Variants in RAPGEF6 observed in about 807,000 individuals in gnomAD.
RAPGEF6 encodes the protein PDZ domain containing guanine nucleotide exchange factor (GEF) 2.
In RAPGEF6, 56 loss-of-function variants were observed where a neutral mutation model predicts 171.4. The observed-to-expected ratio is 0.33, with a 90% CI of 0.26 to 0.41. RAPGEF6 has a LOEUF of 0.41. Ranked by LOEUF, RAPGEF6 falls within the 10% of genes least tolerant of loss-of-function variation. The probability of loss-of-function intolerance (pLI) is 1.00; values close to 1 mark genes in which losing one functional copy is unlikely to be tolerated. For synonymous variants in RAPGEF6, 692 were observed against 650.1 expected (o/e 1.06, Z -0.98); for missense variants, 1,674 against 1,921.4 (o/e 0.87, Z 2.41).
chr5:131,472,607 A>C lies in RAPGEF6; in HGVS notation c.2219T>G (p.Leu740Trp). The C allele has an allele frequency of 6.2e-7, 1 of 1,614,124 alleles. No individual in the cohort carries two copies. Residue 740 changes from leucine (L) to tryptophan (W), a missense_variant, in exon 17 of 28, where the codon TTG becomes TGG. This residue lies in a region of RAPGEF6 where 1,116 missense variants were observed against 1,321.5 expected (regional missense o/e 0.84). Coordinates refer to ENST00000509018, the MANE Select transcript of RAPGEF6 (RefSeq NM_016340.6). Reference protein sequence around the residue: ...PDLLQPTTSMLDFSNPSDIPD... With the variant: ...PDLLQPTTSMWDFSNPSDIPD... ...ATTACCTGAAGGATTGGAAAAATCCAACATACTGGTGGTAGGCTGCAGGAG... is the reference window on the plus strand; with the variant it reads ...ATTACCTGAAGGATTGGAAAAATCCCACATACTGGTGGTAGGCTGCAGGAG...
chr5:131,525,068 C>T (rs560295768), intron 6 of RAPGEF6, among the ~76,000 whole-genome samples: 313 of 152,190 alleles, frequency 2.1e-3, no homozygotes, highest in African/African-American at 6.9e-3. Context: ...ATGTCATCTA[C>T]AATTATGCCA....
chr5:131,480,992 C>T (rs184823593), intron 15 of RAPGEF6, among the ~76,000 whole-genome samples: 4 of 149,954 alleles, frequency 2.7e-5, no homozygotes, highest in Admixed American at 6.6e-5. Context: ...AGTGCAATGG[C>T]GCAATCTTGG....
At chr5:131,581,909 T>C (rs1455782823) in intron 4 of RAPGEF6, among the ~76,000 whole-genome samples, 1 of 152,198 alleles carries the variant, frequency 6.6e-6, no homozygotes, top group African/African-American at 2.4e-5. Context: ...TGTGAAAGTA[T>C]GTTACTTTGT....
intron 9 of RAPGEF6, 137 bp downstream of exon 9, chr5:131,507,934 C>G: frequency 1.2e-6 from 1 of 830,956 alleles, no homozygotes; most frequent in Non-Finnish European, 1.8e-6. Context: ...GTAACTAACT[C>G]AAACTTGGCA....
In RAPGEF6 at chr5:131,424,357, T is replaced by G. The variant is rs1311377340; in HGVS notation, c.*2909A>C. On this transcript the variant is annotated 3_prime_UTR_variant, in exon 28 of 28. Transcript: ENST00000509018. ...TGTACTGTGACACTTTTGACACTTT[T>G]CTGAAGATTTATCCCGTTTTTCTAG... is the stretch of plus-strand genomic sequence containing the variant. 1 of 152,376 alleles carries G rather than the reference T, an allele frequency of 6.6e-6. No homozygotes were observed. Among genetic ancestry groups the G allele is most frequent in the Non-Finnish European group, 1.5e-5 (1 of 68,034 alleles). 9.4% of individuals were successfully genotyped at this position (152,376 alleles called of 1,614,324 possible).
chr5:131,617,421 G>A (rs140941691), intron 1 of RAPGEF6, among the ~76,000 whole-genome samples: 180 of 152,316 alleles, frequency 1.2e-3, no homozygotes, highest in African/African-American at 4.3e-3. Context: ...TTTATTATCT[G>A]TACCACAGAA....
At chr5:131,602,245 G>C (rs142485990) in intron 3 of RAPGEF6, among the ~76,000 whole-genome samples, 82 of 152,202 alleles carry the variant, frequency 5.4e-4, no homozygotes, top group Middle Eastern at 3.4e-3. Context: ...ATACATCTAG[G>C]TTATATGGTA....
chr5:131,575,509 A>C (rs1762552572), intron 4 of RAPGEF6, among the ~76,000 whole-genome samples: 1 of 152,114 alleles, frequency 6.6e-6, no homozygotes, highest in African/African-American at 2.4e-5. Flanking sequence ...GTGTCCAGCT[A>C]ATCTCCGAAA....
At chr5:131,440,593 C>T (rs1489073284) in intron 23 of RAPGEF6, among the ~76,000 whole-genome samples, 4 of 151,944 alleles carry the variant, frequency 2.6e-5, no homozygotes, top group East Asian at 3.9e-4. Flanking sequence ...CAAAAACTAG[C>T]CAGGTGTGGT....
chr5:131,436,350 C>T, intron 24 of RAPGEF6: 1 of 1,537,644 alleles, frequency 6.5e-7, no homozygotes, highest in Non-Finnish European at 8.7e-7. Flanking sequence ...GGCCACTGAT[C>T]TTGCTGCTGT....
chr5:131,607,086 T>C (rs889924566), intron 1 of RAPGEF6, among the ~76,000 whole-genome samples: 1 of 152,232 alleles, frequency 6.6e-6, no homozygotes, highest in Non-Finnish European at 1.5e-5. Flanking sequence ...AGAATTTATA[T>C]ACTTGGCAGT....
chr5:131,539,060 AGAGAG>A (rs2149936211), intron 6 of RAPGEF6, among the ~76,000 whole-genome samples: 1 of 152,358 alleles, frequency 6.6e-6, no homozygotes, highest in African/African-American at 2.4e-5. Context: ...CTGTAAATAA[AGAGAG>A]AAGAGAAGCA....
intron 11 of RAPGEF6, 28 bp downstream of exon 11, chr5:131,504,598 G>C: frequency 6.5e-7 from 1 of 1,539,250 alleles, no homozygotes; most frequent in South Asian, 1.3e-5. Flanking sequence ...TAAAATCAGT[G>C]ACTAGAAAAA....
intron 4 of RAPGEF6, among the ~76,000 whole-genome samples, chr5:131,563,311 A>G (rs1402719448): frequency 6.6e-6 from 1 of 152,176 alleles, no homozygotes; most frequent in Non-Finnish European, 1.5e-5. Context: ...AGTCATTTAT[A>G]AAGAAAATTA....
chr5:131,469,486 T>C (rs1356647450), intron 17 of RAPGEF6, among the ~76,000 whole-genome samples: 3 of 152,150 alleles, frequency 2.0e-5, no homozygotes, highest in African/African-American at 7.2e-5. Context: ...TAGAAAAAAA[T>C]TCCTTTTCAA....
intron 4 of RAPGEF6, among the ~76,000 whole-genome samples, chr5:131,582,148 C>A (rs1407057510): frequency 6.6e-6 from 1 of 152,152 alleles, no homozygotes; most frequent in Non-Finnish European, 1.5e-5. Flanking sequence ...ACTAAGCCTG[C>A]TCAGATGGTC....
chr5:131,451,169 T>A (rs1304732783), intron 21 of RAPGEF6, among the ~76,000 whole-genome samples: 1 of 152,222 alleles, frequency 6.6e-6, no homozygotes, highest in East Asian at 1.9e-4. Flanking sequence ...TTACATGTAG[T>A]GATTTTCAAG....
At chr5:131,467,891 C>T (rs187551380) in intron 17 of RAPGEF6, among the ~76,000 whole-genome samples, 116 of 151,934 alleles carry the variant, frequency 7.6e-4, no homozygotes, top group South Asian at 6.2e-3. Flanking sequence ...ATTATCTGGG[C>T]GTGGTGGTGT....
chr5:131,581,015 T>A (rs1250877482), intron 4 of RAPGEF6, among the ~76,000 whole-genome samples: 1 of 152,130 alleles, frequency 6.6e-6, no homozygotes, highest in Non-Finnish European at 1.5e-5. Context: ...ACTACCAGAC[T>A]TGGAACTGGA....
Sources: gnomAD v4.1 joint callset for allele counts (sites outside exome capture counted in the v4.1 genomes callset) on GRCh38, gnomAD v4.1.1 for gene constraint, gnomAD v4.1.1 regional missense constraint, MANE v1.5 for transcripts, NCBI Gene and HGNC (gene_info 2026-07-23, HGNC 2026-07-21) for gene names.